Variants in TRIM52 observed in about 807,000 individuals in gnomAD.
TRIM52 encodes the protein tripartite motif containing 52.
A neutral mutation model predicts 27.0 loss-of-function variants in TRIM52; 24 were observed. The ratio of observed to expected loss-of-function variants is 0.89; its 90% CI spans 0.64 to 1.25. The LOEUF (loss-of-function observed/expected upper bound fraction) is 1.25. TRIM52 is among the 50% of genes most tolerant of loss of function. The pLI is 0.00. For missense variants in TRIM52, 351 were observed against 354.7 expected, an observed-to-expected ratio of 0.99 and a Z score of 0.08; for synonymous variants, 125 against 126.5, an observed-to-expected ratio of 0.99 and a Z score of 0.08.
chr5:181,260,402 C>G lies in TRIM52; in HGVS notation c.412G>C (p.Gly138Arg), dbSNP rs1462528549. 2 of 1,609,762 alleles carry G rather than the reference C, an allele frequency of 1.2e-6. No homozygotes were observed. Among genetic ancestry groups the G allele is most frequent in the African/African-American group, 2.8e-5 (2 of 71,550 alleles). The change falls in exon 1 of 2, where the codon GGC becomes CGC. Residue 138 changes from glycine (G) to arginine (R), a missense_variant. Transcript: ENST00000688015. This position sits in a 1 kb window ranked among gnomAD's most constrained non-coding sequence, Gnocchi z 4.4. ...TCAATTCTCAGGTCAGGTCTCAAGC[C>G]TCCTAGGTAATAGTCCTGATCTTCC... Reference protein sequence around the residue: ...EEEDQDYYLGGLRPDLRIDVY... With the variant: ...EEEDQDYYLGRLRPDLRIDVY...
At position 181,260,492 on chromosome 5, in the gene TRIM52, C is replaced by A; in HGVS notation, c.322G>T (p.Asp108Tyr). 6.2e-7 allele frequency: 1 copy of A among 1,614,006 alleles called. No homozygotes were observed. The highest frequency in any genetic ancestry group is 8.5e-7 in the Non-Finnish European group (1 of 1,180,010). ...TTGTCCCAATTAGTTATACCACTGT[C>A]ACCGAGCCAGAGTTCATCGTCATCT... ...DQDDDELWLG[D>Y]SGITNWDNVD... Residue 108 changes from aspartate to tyrosine, a missense_variant, in exon 1 of 2, where the codon GAC becomes TAC. Asp to Tyr is a radical substitution (Grantham distance 160, BLOSUM62 -3). Transcript: ENST00000688015. The surrounding 1 kb of genome is among the most constrained non-coding windows in gnomAD (Gnocchi z 4.4).
Position 181,255,325 on chromosome 5 carries a change from C to CT in TRIM52, c.*1483dup, listed in dbSNP as rs1759729996. ...ATCAAAACATTAAAAAATAAAAAAG[C>CT]TTTTTAAGGTGTAAGGAGCAAATGG... On this transcript the variant is annotated 3_prime_UTR_variant, in exon 2 of 2. Coordinates refer to ENST00000688015, the MANE Select transcript of TRIM52 (RefSeq NM_001346048.2). 6.6e-6 allele frequency: 1 copy of CT among 152,126 alleles called. No individual in the cohort carries two copies. Among genetic ancestry groups the CT allele is most frequent in the Non-Finnish European group, 1.5e-5 (1 of 68,018 alleles). 9.4% of individuals were successfully genotyped at this position (152,126 alleles called of 1,614,324 possible).
At chr5:181,249,832 T>G (rs1046830271), downstream of TRIM52, among the ~76,000 whole-genome samples, 92 of 148,890 alleles carry the variant, frequency 6.2e-4, 1 homozygote, top group African/African-American at 1.8e-3. Context: ...TTGCAGTTTT[T>G]TTTTTTTTTT....
downstream of TRIM52, among the ~76,000 whole-genome samples, chr5:181,252,868 C>T (rs188845861): frequency 5.9e-4 from 90 of 152,232 alleles, no homozygotes; most frequent in African/African-American, 2.0e-3. Flanking sequence ...TCAAAATCTC[C>T]AGAGCTTGAT....
At chr5:181,249,675 C>G (rs1303948398), downstream of TRIM52, among the ~76,000 whole-genome samples, 1 of 145,858 alleles carries the variant, frequency 6.9e-6, no homozygotes, top group Non-Finnish European at 1.5e-5. Flanking sequence ...GATCCTGTCT[C>G]AAAAAGAAAA....
rs774806683 is a variant in TRIM52 at position 181,260,591 on chromosome 5, T to C, written c.223A>G (p.Met75Val). Residue 75 changes from methionine to valine, a missense_variant, in exon 1 of 2, where the codon ATG (methionine) becomes GTG (valine). Physicochemically the swap from Met to Val is conservative, Grantham distance 21. Coordinates refer to ENST00000688015, the MANE Select transcript of TRIM52 (RefSeq NM_001346048.2). This position sits in a 1 kb window ranked among gnomAD's most constrained non-coding sequence, Gnocchi z 4.4. ...CGAATGGAGCCGTCCCATCCATCCA[T>C]GGCCCCCACCGCTTCCTCGTCCTCC... Reference protein sequence around the residue: ...EEEDEEAVGAMDGWDGSIREV... With the variant: ...EEEDEEAVGAVDGWDGSIREV... The C allele has an allele frequency of 7.4e-6, 12 of 1,613,790 alleles. No individual in the cohort carries two copies. The highest frequency in any genetic ancestry group is 2.7e-5 in the African/African-American group (2 of 74,840).
chr5:181,257,455 T>C (rs149989700), intron 1 of TRIM52: 8 of 1,612,888 alleles, frequency 5.0e-6, no homozygotes, highest in Admixed American at 3.3e-5. Flanking sequence ...TCTTGCTCTA[T>C]CTGAAGTATT....
chr5:181,258,015 A>G (rs1220848919), intron 1 of TRIM52: 2 of 150,584 alleles, frequency 1.3e-5, no homozygotes, highest in Non-Finnish European at 2.9e-5. Context: ...AAATAAATAA[A>G]TAAAAATAAA....
intron 1 of TRIM52, chr5:181,258,170 C>G (rs1376081994): frequency 6.6e-6 from 1 of 151,418 alleles, no homozygotes; most frequent in East Asian, 2.0e-4. Context: ...GGTGGTGGAT[C>G]TCCTGAGGTC....
intron 1 of TRIM52, chr5:181,257,450 C>T: frequency 6.2e-7 from 1 of 1,613,002 alleles, no homozygotes. Flanking sequence ...TGCTTTCTTG[C>T]TCTATCTGAA....
Position 181,260,970 on chromosome 5 carries a change from A to G in TRIM52, c.-157T>C. 2.6e-6 allele frequency: 3 copies of G among 1,153,052 alleles called. No individual in the cohort carries two copies. Among genetic ancestry groups the G allele is most frequent in the African/African-American group, 1.6e-5 (1 of 64,222 alleles). The allele number at this position is 1,153,052 out of a possible 1,614,324, so 71.4% of individuals were successfully genotyped here. A position where few individuals can be genotyped will look rare whatever the true frequency, so the allele number is the denominator to read the frequency against. On this transcript the variant is annotated 5_prime_UTR_variant, in exon 1 of 2. Transcript: ENST00000688015. This position sits in a 1 kb window ranked among gnomAD's most constrained non-coding sequence, Gnocchi z 4.4. ...CAGGGGAGCTTTGACCCCCTCTCTC[A>G]GGGTGCGAACGCCCAGATCCAGACT...
At chr5:181,251,526 C>T (rs928733358), downstream of TRIM52, among the ~76,000 whole-genome samples, 3 of 152,192 alleles carry the variant, frequency 2.0e-5, no homozygotes, top group Admixed American at 1.3e-4. Flanking sequence ...CTATCTTTCC[C>T]CTTCCTTTGG....
intron 1 of TRIM52, chr5:181,257,999 G>GTAAA (rs899760031): frequency 8.6e-5 from 13 of 151,216 alleles, no homozygotes; most frequent in Middle Eastern, 3.4e-3. Context: ...AAATAAATAA[G>GTAAA]TAAATAAATA....
chr5:181,258,113 TG>T (rs1759863241), intron 1 of TRIM52: 1 of 151,592 alleles, frequency 6.6e-6, no homozygotes, highest in African/African-American at 2.4e-5. Flanking sequence ...TGAGGAAGGC[TG>T]GGCACAGTGG....
rs1380546936 is a variant in TRIM52, at chr5:181,260,495, C to T, written c.319G>A (p.Gly107Ser). 46 of 1,613,964 alleles carry T rather than the reference C, an allele frequency of 2.9e-5. No individual in the cohort carries two copies. Among genetic ancestry groups the T allele is most frequent in the Non-Finnish European group, 3.9e-5 (46 of 1,180,010 alleles). Residue 107 changes from glycine (G) to serine (S), a missense_variant, in exon 1 of 2, where the codon GGT (glycine) becomes AGT (serine). Physicochemically the swap from Gly to Ser is moderately conservative, Grantham distance 56. Transcript: ENST00000688015. This position sits in a 1 kb window ranked among gnomAD's most constrained non-coding sequence, Gnocchi z 4.4. ...QDQDDDELWL[G>S]DSGITNWDNV... ...TCCCAATTAGTTATACCACTGTCAC[C>T]GAGCCAGAGTTCATCGTCATCTTGG...
In TRIM52 at chr5:181,260,703, G is replaced by A. The variant is rs772764165; in HGVS notation, c.111C>T (p.His37=). The A allele has an allele frequency of 6.2e-6, 10 of 1,613,994 alleles. No homozygotes were observed. Among genetic ancestry groups the A allele is most frequent in the Non-Finnish European group, 7.6e-6 (9 of 1,180,028 alleles). ...GGGTCACACACCCTCGGCAGAAGTT[G>A]TGCCCACAGCTGATGGACACGGGGT... ...FKDPVSISCG[H]NFCRGCVTQL... The change falls in exon 1 of 2, where the codon CAC becomes CAT. Residue 37 remains histidine (H), a synonymous_variant. Transcript: ENST00000688015. The surrounding 1 kb of genome is among the most constrained non-coding windows in gnomAD (Gnocchi z 4.4).
chr5:181,257,584 A>G (rs1759836954), intron 1 of TRIM52: 1 of 1,064,220 alleles, frequency 9.4e-7, no homozygotes, highest in Admixed American at 2.7e-5. Context: ...TTATACAAAA[A>G]TAGTTCCTTG....
Position 181,260,967 on chromosome 5 carries a change from C to G in TRIM52, c.-154G>C. On this transcript the variant is annotated 5_prime_UTR_variant, in exon 1 of 2. Coordinates refer to ENST00000688015, the MANE Select transcript of TRIM52 (RefSeq NM_001346048.2). This position sits in a 1 kb window ranked among gnomAD's most constrained non-coding sequence, Gnocchi z 4.4. ...CCGCAGGGGAGCTTTGACCCCCTCT[C>G]TCAGGGTGCGAACGCCCAGATCCAG... 8.4e-7 allele frequency: 1 copy of G among 1,188,404 alleles called. No individual in the cohort carries two copies. Among genetic ancestry groups the G allele is most frequent in the Non-Finnish European group, 1.1e-6 (1 of 876,830 alleles). 73.6% of individuals were successfully genotyped at this position (1,188,404 alleles called of 1,614,324 possible). A position where few individuals can be genotyped will look rare whatever the true frequency, so the allele number is the denominator to read the frequency against.
intron 1 of TRIM52, chr5:181,258,823 C>T (rs560953542): frequency 6.6e-6 from 1 of 151,696 alleles, no homozygotes; most frequent in South Asian, 2.1e-4. Context: ...TCTCTTACTT[C>T]ATTTTGAGAT....
Sources: allele counts gnomAD v4.1 joint callset (sites outside exome capture counted in the v4.1 genomes callset), GRCh38; gene constraint gnomAD v4.1.1; non-coding constraint Gnocchi (gnomAD v3.1); transcripts MANE v1.5; gene names NCBI Gene and HGNC (gene_info 2026-07-23, HGNC 2026-07-21).